WSCD2: variants seen among roughly 807,000 people sequenced by gnomAD.
The protein encoded by WSCD2 is WSC domain sialate O sulfotransferase 2.
In WSCD2, 28 loss-of-function variants were observed where a neutral mutation model predicts 55.7. The observed-to-expected ratio is 0.50, with a 90% CI of 0.37 to 0.69. The LOEUF is 0.69. Among genes scored for constraint, WSCD2 ranks in the 30% least tolerant of loss-of-function variants. The probability of loss-of-function intolerance (pLI) is 0.00; values close to 1 mark genes in which losing one functional copy is unlikely to be tolerated. For missense variants in WSCD2, 616 were observed against 762.1 expected, an observed-to-expected ratio of 0.81 and a Z score of 2.26; for synonymous variants, 301 against 301.9, an observed-to-expected ratio of 1.00 and a Z score of 0.03.
intron 1 of WSCD2, among the ~76,000 whole-genome samples, chr12:108,154,918 A>G (rs1297844761): frequency 6.6e-6 from 1 of 152,172 alleles, no homozygotes; most frequent in Non-Finnish European, 1.5e-5. Flanking sequence ...TTACATAACT[A>G]TTGACATTTT....
At chr12:108,223,118 A>G (rs1294602696) in intron 4 of WSCD2, among the ~76,000 whole-genome samples, 2 of 152,212 alleles carry the variant, frequency 1.3e-5, no homozygotes, top group East Asian at 3.8e-4. Flanking sequence ...AGGCTCACCC[A>G]CATTATCAAG....
At chr12:108,188,912 C>T (rs908090026) in intron 1 of WSCD2, among the ~76,000 whole-genome samples, 1 of 152,212 alleles carries the variant, frequency 6.6e-6, no homozygotes, top group Admixed American at 6.5e-5. Flanking sequence ...TACTTAATCT[C>T]TGTGAACTTT....
chr12:108,150,319 A>C (rs147366263), intron 1 of WSCD2, among the ~76,000 whole-genome samples: 1 of 152,276 alleles, frequency 6.6e-6, no homozygotes, highest in African/African-American at 2.4e-5. Context: ...CACCCCCTCT[A>C]ATTGTAAATA....
At chr12:108,226,042 C>T (rs1221004663) in intron 5 of WSCD2, among the ~76,000 whole-genome samples, 3 of 151,962 alleles carry the variant, frequency 2.0e-5, no homozygotes, top group Non-Finnish European at 4.4e-5. Context: ...GTAAATGCCC[C>T]CTTGGTGTGA....
intron 1 of WSCD2, among the ~76,000 whole-genome samples, chr12:108,138,262 G>A (rs988310792): frequency 6.6e-6 from 1 of 152,192 alleles, no homozygotes; most frequent in African/African-American, 2.4e-5. Context: ...AGTTGGGTGA[G>A]CCAGCCTGCC....
chr12:108,139,213 A>G (rs1197938466), intron 1 of WSCD2, among the ~76,000 whole-genome samples: 2 of 152,206 alleles, frequency 1.3e-5, no homozygotes, highest in Non-Finnish European at 2.9e-5. Flanking sequence ...TAGGCATTGG[A>G]GGTCTATCTC....
Position 108,218,225 on chromosome 12 carries a change from A to T in WSCD2, c.683-6514A>T, listed in dbSNP as rs115745953. 6.0e-3 allele frequency among the ~76,000 whole-genome samples: 912 copies of T among 152,370 alleles called. 10 individuals carry two copies. Among genetic ancestry groups the T allele is most frequent in the African/African-American group, 0.02 (850 of 41,586 alleles). ...ACTTGCCCATGGTCAAAGACAAAGA[A>T]GGGCAGAGGTGCCAGTGGGTGCCAT... On this transcript the variant is annotated intron_variant, in intron 4 of 8. Coordinates refer to ENST00000547525, the MANE Select transcript of WSCD2 (RefSeq NM_014653.4).
chr12:108,246,944 A>G (rs910057591), intron 8 of WSCD2, among the ~76,000 whole-genome samples: 17 of 152,282 alleles, frequency 1.1e-4, no homozygotes, highest in South Asian at 2.1e-4. Flanking sequence ...AAACAGAATA[A>G]TATCAGTAAT....
At chr12:108,197,935 G>T (rs142513367) in intron 2 of WSCD2, among the ~76,000 whole-genome samples, 2 of 143,802 alleles carry the variant, frequency 1.4e-5, no homozygotes, top group Admixed American at 7.1e-5. Context: ...CCTTCTATCT[G>T]GGATGCCGTC....
chr12:108,177,358 G>A (rs949851536), intron 1 of WSCD2, among the ~76,000 whole-genome samples: 7 of 152,078 alleles, frequency 4.6e-5, no homozygotes, highest in East Asian at 1.9e-4. Flanking sequence ...GTTAGAAGTC[G>A]CCGTGATTAT....
chr12:108,245,977 G>A (rs1308577698), intron 8 of WSCD2, among the ~76,000 whole-genome samples: 4 of 152,234 alleles, frequency 2.6e-5, no homozygotes, highest in South Asian at 2.1e-4. Context: ...GGAGGCCTTC[G>A]CCACACTGCA....
intron 1 of WSCD2, among the ~76,000 whole-genome samples, chr12:108,163,321 A>T (rs1001806376): frequency 6.6e-6 from 1 of 152,140 alleles, no homozygotes; most frequent in African/African-American, 2.4e-5. Context: ...GTGAGCAGAG[A>T]TTGCACCACT....
intron 1 of WSCD2, among the ~76,000 whole-genome samples, chr12:108,179,903 C>T (rs551236164): frequency 2.0e-5 from 3 of 151,950 alleles, no homozygotes; most frequent in Non-Finnish European, 2.9e-5. Context: ...ATTAGCTGGG[C>T]GTGGTGGCAG....
intron 1 of WSCD2, among the ~76,000 whole-genome samples, chr12:108,148,038 T>A (rs2136903758): frequency 6.6e-6 from 1 of 152,212 alleles, no homozygotes; most frequent in African/African-American, 2.4e-5. Flanking sequence ...ACCCTGTGAG[T>A]GACTTATTTA....
At chr12:108,155,965 A>C (rs1020149696) in intron 1 of WSCD2, among the ~76,000 whole-genome samples, 1 of 152,170 alleles carries the variant, frequency 6.6e-6, no homozygotes, top group African/African-American at 2.4e-5. Flanking sequence ...ATACATCGAC[A>C]CCACCCAGGC....
chr12:108,195,753 G>T lies in WSCD2; in HGVS notation c.-80G>T. 2.6e-6 allele frequency: 4 copies of T among 1,516,036 alleles called. No homozygotes were observed. The highest frequency in any genetic ancestry group is 2.8e-5 in the African/African-American group (2 of 71,850). 93.9% of individuals were successfully genotyped at this position (1,516,036 alleles called of 1,614,324 possible). A position where few individuals can be genotyped will look rare whatever the true frequency, so the allele number is the denominator to read the frequency against. ...CCCAAGTGTTCCATCCCTAAGGAAA[G>T]CTTGGGAAACCAAGCCCCTTCCATC... On this transcript the variant is annotated 5_prime_UTR_variant, in exon 2 of 9. Coordinates refer to ENST00000547525, the MANE Select transcript of WSCD2 (RefSeq NM_014653.4).
chr12:108,223,368 A>AT (rs1887740768), intron 4 of WSCD2, among the ~76,000 whole-genome samples: 1 of 152,214 alleles, frequency 6.6e-6, no homozygotes, highest in Admixed American at 6.5e-5. Flanking sequence ...TAACCTGTAG[A>AT]ATTTTACATT....
intron 4 of WSCD2, among the ~76,000 whole-genome samples, chr12:108,216,991 A>T (rs1035344129): frequency 2.0e-5 from 3 of 152,242 alleles, no homozygotes; most frequent in Non-Finnish European, 4.4e-5. Flanking sequence ...CCTTCCACAT[A>T]TTATGGGCAA....
At chr12:108,245,769 A>G (rs1890041615) in intron 8 of WSCD2, among the ~76,000 whole-genome samples, 2 of 152,232 alleles carry the variant, frequency 1.3e-5, no homozygotes. Context: ...AATTTTTCCT[A>G]ATTACTCAGA....
Sources: gnomAD v4.1 joint callset for allele counts (sites outside exome capture counted in the v4.1 genomes callset) on GRCh38, gnomAD v4.1.1 for gene constraint, MANE v1.5 for transcripts, NCBI Gene and HGNC (gene_info 2026-07-23, HGNC 2026-07-21) for gene names.